ATP8A2: variants seen among roughly 807,000 people sequenced by gnomAD.
ATP8A2 encodes the protein ATPase phospholipid transporting 8A2.
In ATP8A2, 100 loss-of-function variants were observed where a neutral mutation model predicts 165.6. The observed-to-expected ratio is 0.60, with a 90% CI of 0.51 to 0.71. The LOEUF (loss-of-function observed/expected upper bound fraction) is 0.71. Ranked by LOEUF, ATP8A2 falls within the 30% of genes least tolerant of loss-of-function variation. The probability of loss-of-function intolerance (pLI) is 0.00; values close to 1 mark genes in which losing one functional copy is unlikely to be tolerated. For missense variants in ATP8A2, 1,227 were observed against 1,479.5 expected, an observed-to-expected ratio of 0.83 and a Z score of 2.80; for synonymous variants, 543 against 548.8, an observed-to-expected ratio of 0.99 and a Z score of 0.15.
At chr13:25,652,815 T>C (rs527461538) in intron 24 of ATP8A2, among the ~76,000 whole-genome samples, 1 of 152,320 alleles carries the variant, frequency 6.6e-6, no homozygotes, top group African/African-American at 2.4e-5. Flanking sequence ...AGTTCCTGGA[T>C]TGTGTCTCTT....
chr13:25,977,154 G>A (rs991928857), intron 35 of ATP8A2, among the ~76,000 whole-genome samples: 2 of 139,000 alleles, frequency 1.4e-5, no homozygotes, highest in Admixed American at 1.5e-4. Flanking sequence ...CCTTGCTAAA[G>A]AAGCCAATTT....
At chr13:25,569,955 G>C (rs190127620) in intron 16 of ATP8A2, among the ~76,000 whole-genome samples, 115 of 152,246 alleles carry the variant, frequency 7.6e-4, no homozygotes, top group Admixed American at 2.0e-3. Context: ...AGAATATTTA[G>C]AAGCTTTTAA....
intron 1 of ATP8A2, among the ~76,000 whole-genome samples, chr13:25,466,223 T>C (rs1161001447): frequency 6.6e-6 from 1 of 152,174 alleles, no homozygotes; most frequent in Non-Finnish European, 1.5e-5. Context: ...ACTTTTTTTC[T>C]ACTTTTTCCC....
At chr13:26,000,390 A>G (rs1956609597) in intron 35 of ATP8A2, among the ~76,000 whole-genome samples, 1 of 152,186 alleles carries the variant, frequency 6.6e-6, no homozygotes, top group Non-Finnish European at 1.5e-5. Context: ...GCAGTTATGC[A>G]TGTGTGATTT....
In ATP8A2 at chr13:25,859,206, A is replaced by T. The variant is rs12560615; in HGVS notation, c.2957-989A>T. Among the ~76,000 whole-genome samples the T allele has an allele frequency of 4.9e-3, 750 of 151,886 alleles. 4 individuals are homozygous for T. Among genetic ancestry groups the T allele is most frequent in the South Asian group, 0.013 (60 of 4,772 alleles). On this transcript the variant is annotated intron_variant, in intron 30 of 36. Transcript: ENST00000381655. ...GACAGACCGAGACTCTGTCTCAAAAACAAAACAAAACAAAACAAAACAAAA... is the reference window on the plus strand; with the variant it reads ...GACAGACCGAGACTCTGTCTCAAAATCAAAACAAAACAAAACAAAACAAAA...
At chr13:25,392,075 C>T (rs1406982902) in intron 1 of ATP8A2, among the ~76,000 whole-genome samples, 1 of 152,154 alleles carries the variant, frequency 6.6e-6, no homozygotes, top group African/African-American at 2.4e-5. Flanking sequence ...GAGCTCAGCC[C>T]ACCCTGGTCA....
At chr13:25,894,790 G>A (rs890934384) in intron 33 of ATP8A2, among the ~76,000 whole-genome samples, 7 of 152,050 alleles carry the variant, frequency 4.6e-5, no homozygotes, top group Admixed American at 6.6e-5. Flanking sequence ...TATTCTCTTC[G>A]AAGCAATTGT....
intron 11 of ATP8A2, among the ~76,000 whole-genome samples, chr13:25,553,005 C>G (rs74041020): frequency 0.028 from 4,298 of 152,100 alleles, 210 homozygotes; most frequent in African/African-American, 0.098. Context: ...CCAATCCCAG[C>G]CTTCTGCTAT....
intron 8 of ATP8A2, among the ~76,000 whole-genome samples, chr13:25,541,032 T>G (rs1380052744): frequency 6.6e-6 from 1 of 151,944 alleles, no homozygotes; most frequent in Non-Finnish European, 1.5e-5. Flanking sequence ...TGGCTTAATT[T>G]TTATATTTTT....
At chr13:25,839,055 A>G (rs1445041453) in intron 29 of ATP8A2, among the ~76,000 whole-genome samples, 12 of 152,236 alleles carry the variant, frequency 7.9e-5, no homozygotes, top group Non-Finnish European at 1.8e-4. Flanking sequence ...AGTAAAACAA[A>G]AGAGTGAGAA....
intron 8 of ATP8A2, among the ~76,000 whole-genome samples, chr13:25,541,085 G>A (rs1465114670): frequency 6.6e-6 from 1 of 151,882 alleles, no homozygotes; most frequent in South Asian, 2.1e-4. Context: ...GGCTGGTCTC[G>A]AACCCCTGAA....
chr13:25,434,852 C>T (rs2034710976), intron 1 of ATP8A2, among the ~76,000 whole-genome samples: 2 of 152,174 alleles, frequency 1.3e-5, no homozygotes, highest in Non-Finnish European at 2.9e-5. Context: ...CTCCAGCATG[C>T]ACGTGTTCTA....
intron 33 of ATP8A2, among the ~76,000 whole-genome samples, chr13:25,939,267 C>G (rs566112951): frequency 1.5e-3 from 234 of 152,322 alleles, no homozygotes; most frequent in Non-Finnish European, 2.9e-3. Context: ...TTGGAGGGCT[C>G]GTTCCAGGTG....
chr13:25,567,240 A>C (rs1164332779), intron 16 of ATP8A2: 1 of 448,198 alleles, frequency 2.2e-6, no homozygotes, highest in Non-Finnish European at 4.5e-6. Context: ...TTCATCCCAC[A>C]CTCTTCTTGA....
intron 1 of ATP8A2, among the ~76,000 whole-genome samples, chr13:25,437,956 T>C (rs905352223): frequency 2.0e-5 from 3 of 152,260 alleles, no homozygotes; most frequent in Non-Finnish European, 4.4e-5. Flanking sequence ...CAGCCTTATT[T>C]ATTAAGGCTT....
intron 25 of ATP8A2, among the ~76,000 whole-genome samples, chr13:25,762,807 T>C (rs1477785335): frequency 2.6e-5 from 4 of 152,154 alleles, no homozygotes; most frequent in African/African-American, 9.7e-5. Context: ...TATTCCCCCA[T>C]GATGGATATA....
chr13:25,742,740 G>A (rs1035403750), intron 25 of ATP8A2, among the ~76,000 whole-genome samples: 1 of 146,608 alleles, frequency 6.8e-6, no homozygotes, highest in African/African-American at 2.5e-5. Flanking sequence ...GATATGAGCT[G>A]GGAACTCATG....
intron 1 of ATP8A2, among the ~76,000 whole-genome samples, chr13:25,429,975 C>T (rs2034560638): frequency 6.6e-6 from 1 of 152,060 alleles, no homozygotes; most frequent in Non-Finnish European, 1.5e-5. Context: ...GACAGTTTGG[C>T]AGTGAAACAA....
intron 24 of ATP8A2, among the ~76,000 whole-genome samples, chr13:25,661,627 A>C (rs943959054): frequency 1.6e-4 from 24 of 152,286 alleles, no homozygotes; most frequent in African/African-American, 5.5e-4. Context: ...AGCTCTGGAG[A>C]GACGGTCTTT....
Sources: gnomAD v4.1 joint callset for allele counts (sites outside exome capture counted in the v4.1 genomes callset) on GRCh38, gnomAD v4.1.1 for gene constraint, MANE v1.5 for transcripts, NCBI Gene and HGNC (gene_info 2026-07-23, HGNC 2026-07-21) for gene names.